TANGO6: variants seen among roughly 807,000 people sequenced by gnomAD.
TANGO6 encodes the protein transport and Golgi organization protein 6 homolog.
A neutral mutation model predicts 114.2 loss-of-function variants in TANGO6; 90 were observed. That is an observed-to-expected ratio of 0.79 (90% CI 0.66 to 0.94). The LOEUF (loss-of-function observed/expected upper bound fraction) is 0.94. TANGO6 is among the 40% of genes least tolerant of loss of function. The pLI is 0.00. For synonymous variants in TANGO6, 477 were observed against 509.8 expected (o/e 0.94, Z 0.87); for missense variants, 1,274 against 1,315.3 (o/e 0.97, Z 0.49).
intron 15 of TANGO6, among the ~76,000 whole-genome samples, chr16:68,981,006 AT>A (rs970107438): frequency 1.3e-5 from 2 of 152,046 alleles, no homozygotes; most frequent in African/African-American, 4.8e-5. Flanking sequence ...AAAAAAAAGA[AT>A]TGTGGAAAGA....
chr16:68,858,693 G>C (rs2152156170), intron 1 of TANGO6, among the ~76,000 whole-genome samples: 1 of 152,018 alleles, frequency 6.6e-6, no homozygotes. Flanking sequence ...ACATTGCCCA[G>C]GCTGATCTCA....
chr16:68,900,400 A>G (rs1314391091), intron 7 of TANGO6, 34 bp from the exon 8 acceptor site: 3 of 1,586,798 alleles, frequency 1.9e-6, no homozygotes, highest in Non-Finnish European at 1.7e-6. Flanking sequence ...CCAGGCAGTC[A>G]TGGGATTATT....
At chr16:68,949,188 AAAAG>A (rs543117670) in intron 14 of TANGO6, among the ~76,000 whole-genome samples, 24 of 152,050 alleles carry the variant, frequency 1.6e-4, no homozygotes, top group East Asian at 3.9e-4. Flanking sequence ...CTCCGTCTCA[AAAAG>A]AAAGAAAGAA....
intron 14 of TANGO6, among the ~76,000 whole-genome samples, chr16:68,949,615 G>A (rs1031711089): frequency 8.7e-5 from 13 of 149,620 alleles, no homozygotes; most frequent in Non-Finnish European, 1.6e-4. Flanking sequence ...GCGAAACTCT[G>A]TCTCAAAGAA....
In TANGO6 at chr16:68,977,878, G is replaced by A. The variant is rs536769711; in HGVS notation, c.2842+3710G>A. 5.9e-5 allele frequency among the ~76,000 whole-genome samples: 9 copies of A among 151,700 alleles called. 1 individual carries two copies. The highest frequency in any genetic ancestry group is 2.2e-4 in the African/African-American group (9 of 41,314). ...TTTTTGTATTTTTAGTAGAGACAGG[G>A]TTTCACCATGTTGGACAGGCCGGTC... On this transcript the variant is annotated intron_variant, in intron 15 of 17. Coordinates refer to ENST00000261778, the MANE Select transcript of TANGO6 (RefSeq NM_024562.2).
At chr16:69,066,058 T>C (rs1025236612) in intron 17 of TANGO6, among the ~76,000 whole-genome samples, 3 of 152,180 alleles carry the variant, frequency 2.0e-5, no homozygotes, top group Admixed American at 2.0e-4. Context: ...TTCTGCAGCA[T>C]AGCTTGATCA....
intron 7 of TANGO6, among the ~76,000 whole-genome samples, chr16:68,884,879 T>A (rs1181905834): frequency 6.6e-6 from 1 of 152,202 alleles, no homozygotes; most frequent in Non-Finnish European, 1.5e-5. Flanking sequence ...TAAAGCCCCC[T>A]GGAGAGGCAA....
At chr16:68,979,350 C>A (rs1047781683) in intron 15 of TANGO6, among the ~76,000 whole-genome samples, 2 of 152,092 alleles carry the variant, frequency 1.3e-5, no homozygotes, top group Non-Finnish European at 2.9e-5. Flanking sequence ...CAGCCTCAGC[C>A]TCCCGAGTAG....
chr16:68,871,105 C>T (rs1013916669), intron 4 of TANGO6, among the ~76,000 whole-genome samples: 6 of 151,918 alleles, frequency 3.9e-5, no homozygotes. Flanking sequence ...AATTAATTTT[C>T]TAGCTTTTGT....
At chr16:68,929,612 C>T (rs1486726862) in intron 13 of TANGO6, among the ~76,000 whole-genome samples, 3 of 152,086 alleles carry the variant, frequency 2.0e-5, no homozygotes, top group Non-Finnish European at 2.9e-5. Context: ...CATGTTGGGG[C>T]CTAAACCTAA....
chr16:68,964,461 T>C (rs1162646187), intron 14 of TANGO6, among the ~76,000 whole-genome samples: 1 of 152,116 alleles, frequency 6.6e-6, no homozygotes, highest in Non-Finnish European at 1.5e-5. Context: ...TTCCCCTTTG[T>C]ACACAAATAG....
intron 15 of TANGO6, among the ~76,000 whole-genome samples, chr16:68,987,166 T>TTC (rs1555526867): frequency 4.7e-4 from 72 of 151,888 alleles, no homozygotes; most frequent in Middle Eastern, 6.8e-3. Context: ...CTATTTTTTT[T>TTC]CTATGATATA....
intron 17 of TANGO6, among the ~76,000 whole-genome samples, chr16:69,060,176 T>TC (rs1193682863): frequency 6.6e-6 from 1 of 152,150 alleles, no homozygotes; most frequent in Non-Finnish European, 1.5e-5. Context: ...GGCTTTTTTT[T>TC]CTTTAAGTTT....
chr16:69,066,149 C>T (rs1394454267), intron 17 of TANGO6, among the ~76,000 whole-genome samples: 1 of 152,124 alleles, frequency 6.6e-6, no homozygotes, highest in Non-Finnish European at 1.5e-5. Context: ...AAATTCATTT[C>T]CCCGCATCTA....
At chr16:69,076,493 C>T (rs556988139) in intron 17 of TANGO6, among the ~76,000 whole-genome samples, 1 of 152,072 alleles carries the variant, frequency 6.6e-6, no homozygotes, top group Non-Finnish European at 1.5e-5. Flanking sequence ...CCTGCTGTGC[C>T]ATTATTTTCA....
Position 68,867,061 on chromosome 16 carries a change from CCTT to C in TANGO6, c.853-11_853-9del, listed in dbSNP as rs774319488. On this transcript the variant is annotated splice_polypyrimidine_tract_variant and intron_variant, in intron 3 of 17. Coordinates refer to ENST00000261778, the MANE Select transcript of TANGO6 (RefSeq NM_024562.2). ...ATTTCAGTGACATTCAGAATTCACACCTTCTTCTTTTTCTCAGTCCTGCACAGA... is the reference window on the plus strand; with the variant it reads ...ATTTCAGTGACATTCAGAATTCACACCTTCTTTTTCTCAGTCCTGCACAGA... 25 of 1,568,624 alleles carry C rather than the reference CCTT, an allele frequency of 1.6e-5. No homozygotes were observed. The highest frequency in any genetic ancestry group is 8.3e-5 in the African/African-American group (6 of 72,566).
chr16:68,991,784 C>T (rs1963948017), intron 15 of TANGO6, among the ~76,000 whole-genome samples: 1 of 152,138 alleles, frequency 6.6e-6, no homozygotes, highest in Non-Finnish European at 1.5e-5. Context: ...AAGATCGTGC[C>T]ACTGCACTCC....
chr16:68,973,976 G>A (rs2152212951), intron 14 of TANGO6, 52 bp from the exon 15 acceptor site: 2 of 1,554,754 alleles, frequency 1.3e-6, no homozygotes, highest in African/African-American at 2.7e-5. Flanking sequence ...TGGTTTATTT[G>A]CCTTTTGATC....
intron 14 of TANGO6, among the ~76,000 whole-genome samples, chr16:68,953,856 C>A (rs1417382827): frequency 1.3e-5 from 2 of 152,014 alleles, no homozygotes; most frequent in Non-Finnish European, 2.9e-5. Flanking sequence ...CTTCACTAAA[C>A]ATGTTTTAGG....
Sources: gnomAD v4.1 joint callset for allele counts (sites outside exome capture counted in the v4.1 genomes callset) on GRCh38, gnomAD v4.1.1 for gene constraint, MANE v1.5 for transcripts, NCBI Gene and HGNC (gene_info 2026-07-23, HGNC 2026-07-21) for gene names.